PIK3C2G: variants seen among roughly 807,000 people sequenced by gnomAD.
PIK3C2G encodes the protein phosphatidylinositol 3-kinase C2 domain-containing subunit gamma.
PIK3C2G carries 168 observed loss-of-function variants against 181.1 expected under a neutral mutation model. The ratio of observed to expected loss-of-function variants is 0.93; its 90% CI spans 0.82 to 1.05. PIK3C2G has a LOEUF of 1.05. PIK3C2G is among the 50% of genes least tolerant of loss of function. PIK3C2G has a pLI of 0.00. For missense variants in PIK3C2G, 1,869 were observed against 1,732.8 expected, an observed-to-expected ratio of 1.08 and a Z score of -1.40; for synonymous variants, 573 against 592.2, an observed-to-expected ratio of 0.97 and a Z score of 0.47.
At chr12:18,546,061 G>A (rs181336958) in intron 25 of PIK3C2G, among the ~76,000 whole-genome samples, 3 of 151,918 alleles carry the variant, frequency 2.0e-5, no homozygotes, top group Middle Eastern at 3.4e-3. Context: ...TTTATGATGA[G>A]AATAAAACTG....
the PIK3C2G span, among the ~76,000 whole-genome samples, chr12:18,716,044 C>T: frequency 1.3e-5 from 2 of 152,056 alleles, no homozygotes; most frequent in Non-Finnish European, 2.9e-5. Context: ...TATTTCTTGG[C>T]TTACGGATTT....
intron 29 of PIK3C2G, among the ~76,000 whole-genome samples, chr12:18,576,180 C>A (rs902291570): frequency 6.6e-6 from 1 of 152,142 alleles, no homozygotes; most frequent in Non-Finnish European, 1.5e-5. Flanking sequence ...AATAAACATT[C>A]ATAGTACTTT....
At chr12:18,410,908 C>T (rs532028660) in intron 16 of PIK3C2G, among the ~76,000 whole-genome samples, 5 of 152,126 alleles carry the variant, frequency 3.3e-5, no homozygotes, top group African/African-American at 1.2e-4. Context: ...ATAAGAGGAG[C>T]GAAATCAAGA....
intron 31 of PIK3C2G, among the ~76,000 whole-genome samples, chr12:18,629,424 G>A (rs534673488): frequency 1.8e-4 from 27 of 152,224 alleles, no homozygotes; most frequent in African/African-American, 4.3e-4. Context: ...GGAGAAACCC[G>A]GAGAGGTGAT....
chr12:18,563,409 C>T lies in PIK3C2G; in HGVS notation c.3813C>T (p.Asn1271=), dbSNP rs374956702. The T allele has an allele frequency of 4.0e-5, 64 of 1,613,022 alleles. No homozygotes were observed. The highest frequency in any genetic ancestry group is 4.9e-5 in the Non-Finnish European group (58 of 1,179,420). ...LYLIQVTHSN[N]ETSLTEKSFE... is the part of the protein sequence containing the mutation. ...TGATCCAGGTGACACACAGCAACAACGAAACAAGCCTGACAGAAAAATCAT... is the reference window on the plus strand; with the variant it reads ...TGATCCAGGTGACACACAGCAACAATGAAACAAGCCTGACAGAAAAATCAT... Residue 1271 remains asparagine (N), a synonymous_variant, in exon 28 of 33, where the codon AAC becomes AAT. Coordinates refer to ENST00000538779, the MANE Select transcript of PIK3C2G (RefSeq NM_001288772.2).
the PIK3C2G span, among the ~76,000 whole-genome samples, chr12:18,681,647 T>C: frequency 8.5e-5 from 13 of 152,064 alleles, no homozygotes; most frequent in African/African-American, 2.9e-4. Context: ...ATCATAAGAT[T>C]CTTGAACAAG....
chr12:18,306,752 T>A (rs532453255), intron 5 of PIK3C2G, among the ~76,000 whole-genome samples: 5 of 152,162 alleles, frequency 3.3e-5, no homozygotes, highest in Admixed American at 2.6e-4. Context: ...ATTTCTGACT[T>A]AGTTATCCCA....
At chr12:18,541,994 G>A (rs1218193416) in intron 25 of PIK3C2G, among the ~76,000 whole-genome samples, 1 of 151,832 alleles carries the variant, frequency 6.6e-6, no homozygotes, top group Non-Finnish European at 1.5e-5. Context: ...GAAGCAGTCT[G>A]TACTTGGCAG....
intron 16 of PIK3C2G, among the ~76,000 whole-genome samples, chr12:18,411,946 A>C (rs1390609438): frequency 6.6e-6 from 1 of 152,144 alleles, no homozygotes; most frequent in African/African-American, 2.4e-5. Flanking sequence ...AAAAACAATA[A>C]GGGGAGAAAA....
chr12:18,491,428 CT>C, intron 19 of PIK3C2G, 22 bp from the exon 20 acceptor site: 2 of 1,221,456 alleles, frequency 1.6e-6, no homozygotes, highest in Non-Finnish European at 2.4e-6. Flanking sequence ...TTCTTAAATC[CT>C]TTTTCTAATG....
intron 12 of PIK3C2G, among the ~76,000 whole-genome samples, chr12:18,363,714 T>C (rs148171438): frequency 2.8e-4 from 43 of 152,226 alleles, no homozygotes; most frequent in East Asian, 1.6e-3. Context: ...ACTCCCGGTA[T>C]GATGCTTTTC....
intron 9 of PIK3C2G, among the ~76,000 whole-genome samples, chr12:18,340,703 G>A (rs1284148599): frequency 6.6e-6 from 1 of 152,094 alleles, no homozygotes; most frequent in African/African-American, 2.4e-5. Context: ...TCACTTTTTG[G>A]AGTTTTAATT....
intron 5 of PIK3C2G, among the ~76,000 whole-genome samples, chr12:18,312,450 C>G (rs1001528319): frequency 6.6e-6 from 1 of 151,992 alleles, no homozygotes; most frequent in Non-Finnish European, 1.5e-5. Context: ...CCTCCCATAG[C>G]AGGAACAGGG....
chr12:18,481,724 G>C (rs1300274247), intron 18 of PIK3C2G, among the ~76,000 whole-genome samples: 1 of 152,112 alleles, frequency 6.6e-6, no homozygotes, highest in Non-Finnish European at 1.5e-5. Context: ...AGATCTGGAA[G>C]AGTAAGTGGT....
intron 28 of PIK3C2G, among the ~76,000 whole-genome samples, chr12:18,565,628 G>T (rs1005212736): frequency 2.0e-5 from 3 of 152,052 alleles, no homozygotes; most frequent in African/African-American, 7.2e-5. Flanking sequence ...CAGACAAAAG[G>T]TCATTAAAAA....
At chr12:18,275,663 G>A (rs1215090324) in intron 1 of PIK3C2G, among the ~76,000 whole-genome samples, 1 of 152,140 alleles carries the variant, frequency 6.6e-6, no homozygotes, top group Admixed American at 6.5e-5. Flanking sequence ...TTACAGTCGT[G>A]GGCCACCATG....
intron 25 of PIK3C2G, among the ~76,000 whole-genome samples, chr12:18,543,401 C>T (rs2136260280): frequency 6.6e-6 from 1 of 152,036 alleles, no homozygotes; most frequent in East Asian, 1.9e-4. Flanking sequence ...TTAATTAGAT[C>T]CCACCTGCCA....
chr12:18,303,100 C>CTCTTTT (rs1555153498), intron 5 of PIK3C2G, among the ~76,000 whole-genome samples: 1 of 75,068 alleles, frequency 1.3e-5, no homozygotes, highest in African/African-American at 5.7e-5. Context: ...TCTTTTCTTT[C>CTCTTTT]TCTTTCTTTC....
chr12:18,531,263 T>C (rs1300741858), intron 24 of PIK3C2G, among the ~76,000 whole-genome samples: 3 of 152,172 alleles, frequency 2.0e-5, no homozygotes, highest in African/African-American at 7.2e-5. Context: ...TCTATCAATA[T>C]CTATATCCAG....
Sources: allele counts gnomAD v4.1 joint callset (sites outside exome capture counted in the v4.1 genomes callset), GRCh38; gene constraint gnomAD v4.1.1; transcripts MANE v1.5; gene names NCBI Gene and HGNC (gene_info 2026-07-23, HGNC 2026-07-21).